Variants in PCDH15 observed in about 807,000 individuals in gnomAD.
PCDH15 encodes protocadherin related 15.
In PCDH15, 129 loss-of-function variants were observed where a neutral mutation model predicts 178.5. The ratio of observed to expected loss-of-function variants is 0.72; its 90% confidence interval spans 0.63 to 0.84. The LOEUF is 0.84. Among genes scored for constraint, PCDH15 ranks in the 40% least tolerant of loss-of-function variants. The pLI is 0.00. For synonymous variants in PCDH15, 800 were observed against 732.0 expected (o/e 1.09, Z -1.50); for missense variants, 2,230 against 2,099.9 (o/e 1.06, Z -1.21).
chr10:53,902,946 C>T lies in PCDH15; in HGVS notation c.3501+297G>A, dbSNP rs571588904. ...TCATTTTGAGAATCTTTTGAGTTAT[C>T]CTACTGGAGGAATACAAACCATTAA... On this transcript the variant is annotated intron_variant, in intron 26 of 37. Transcript: ENST00000644397. Among the ~76,000 whole-genome samples, 4 of 152,108 alleles carry T rather than the reference C, an allele frequency of 2.6e-5. No individual in the cohort carries two copies. The South Asian group carries it at 8.3e-4, about 32-fold the overall frequency.
chr10:55,080,708 C>A (rs1038416776), intron 2 of PCDH15, among the ~76,000 whole-genome samples: 3 of 152,086 alleles, frequency 2.0e-5, no homozygotes, highest in Non-Finnish European at 2.9e-5. Flanking sequence ...AGACAGGCAG[C>A]CCTCCAGCTC....
chr10:54,535,221 C>G (rs2084346169), intron 2 of PCDH15, among the ~76,000 whole-genome samples: 1 of 152,134 alleles, frequency 6.6e-6, no homozygotes. Context: ...GTAATATCCA[C>G]CAAATTCATT....
intron 25 of PCDH15, among the ~76,000 whole-genome samples, chr10:53,927,990 T>A (rs186896629): frequency 6.6e-6 from 1 of 152,150 alleles, no homozygotes; most frequent in African/African-American, 2.4e-5. Flanking sequence ...GAAAGGACAT[T>A]TTAAAAAGAG....
chr10:54,530,783 T>C (rs541826578), intron 2 of PCDH15, among the ~76,000 whole-genome samples: 78 of 152,252 alleles, frequency 5.1e-4, no homozygotes, highest in Non-Finnish European at 9.4e-4. Flanking sequence ...TCTGGATAAA[T>C]ACAAAAATAA....
intron 18 of PCDH15, among the ~76,000 whole-genome samples, chr10:54,056,192 G>A (rs1234950824): frequency 6.6e-6 from 1 of 152,120 alleles, no homozygotes; most frequent in Non-Finnish European, 1.5e-5. Context: ...TCAAATCAGG[G>A]AATTTGGGGT....
intron 3 of PCDH15, among the ~76,000 whole-genome samples, chr10:54,811,534 G>A (rs1952862565): frequency 3.9e-5 from 6 of 152,074 alleles, no homozygotes; most frequent in Admixed American, 3.9e-4. Flanking sequence ...ACAGTGGCAA[G>A]GTCTTGGCTC....
At chr10:55,014,820 A>G (rs371909549) in intron 2 of PCDH15, among the ~76,000 whole-genome samples, 9 of 152,202 alleles carry the variant, frequency 5.9e-5, no homozygotes, top group African/African-American at 1.9e-4. Context: ...TTAGTCCTCC[A>G]AGCATCACAC....
chr10:54,233,470 C>A (rs1283898013), intron 9 of PCDH15, among the ~76,000 whole-genome samples: 1 of 152,192 alleles, frequency 6.6e-6, no homozygotes, highest in African/African-American at 2.4e-5. Flanking sequence ...TTTCTAATTG[C>A]ATTCCATTTT....
chr10:55,409,238 G>A (rs562638738), intron 2 of PCDH15, among the ~76,000 whole-genome samples: 79 of 152,042 alleles, frequency 5.2e-4, no homozygotes, highest in African/African-American at 1.8e-3. Context: ...ACATTGCCCC[G>A]GTAGCACCCC....
intron 21 of PCDH15, 80 bp downstream of exon 21, chr10:53,995,569 G>C: frequency 1.9e-6 from 3 of 1,611,748 alleles, no homozygotes; most frequent in Non-Finnish European, 1.7e-6. Flanking sequence ...TACTTTTGCT[G>C]TCTTGTGATT....
intron 2 of PCDH15, among the ~76,000 whole-genome samples, chr10:54,926,711 T>C (rs940052063): frequency 6.6e-6 from 1 of 152,078 alleles, no homozygotes; most frequent in African/African-American, 2.4e-5. Context: ...ATCTATCCAT[T>C]CCTTCTAGAT....
chr10:54,236,918 G>T lies in PCDH15; in HGVS notation c.890C>A (p.Pro297His). ...PELRTPEELNPIIVTPPIQAI... is the reference protein window; with the variant it reads ...PELRTPEELNHIIVTPPIQAI... ...TTGGATTGGTGGCGTAACAATAATGGGGTTCAGTTCTTCCTGAAAAAAAAA... is the reference window on the plus strand; with the variant it reads ...TTGGATTGGTGGCGTAACAATAATGTGGTTCAGTTCTTCCTGAAAAAAAAA... The change falls in exon 9 of 38, where the codon CCC becomes CAC. Residue 297 changes from proline (P) to histidine (H), a missense_variant. Transcript: ENST00000644397. 7 of 1,613,350 alleles carry T rather than the reference G, an allele frequency of 4.3e-6. No homozygotes were observed. The highest frequency in any genetic ancestry group is 5.9e-6 in the Non-Finnish European group (7 of 1,179,456).
intron 2 of PCDH15, among the ~76,000 whole-genome samples, chr10:55,549,051 C>T (rs1475196577): frequency 1.3e-5 from 2 of 152,184 alleles, no homozygotes; most frequent in African/African-American, 2.4e-5. Context: ...CATTGGATAA[C>T]ACACATTTCA....
At position 54,892,647 on chromosome 10, in the gene PCDH15, G is replaced by A. The variant is rs7911486; in HGVS notation, c.-29+4803C>T. On this transcript the variant is annotated intron_variant, in intron 3 of 5. Coordinates refer to the PCDH15 transcript ENST00000458638. ...TAAACAAACAACATTGAGATGCATGGAGGATTGATCTGGAATATTCCATCA... is the reference window on the plus strand; with the variant it reads ...TAAACAAACAACATTGAGATGCATGAAGGATTGATCTGGAATATTCCATCA... Among the ~76,000 whole-genome samples, 590 of 151,176 alleles carry A rather than the reference G, an allele frequency of 3.9e-3. 7 individuals carry two copies. The highest frequency in any genetic ancestry group is 0.014 in the African/African-American group (569 of 41,316).
chr10:54,714,302 T>C (rs528556548), intron 1 of PCDH15, among the ~76,000 whole-genome samples: 1 of 152,230 alleles, frequency 6.6e-6, no homozygotes, highest in African/African-American at 2.4e-5. Flanking sequence ...GTTAGCCTTT[T>C]TCAGCAGTGT....
intron 35 of PCDH15, among the ~76,000 whole-genome samples, chr10:53,812,198 GT>G (rs1233617809): frequency 2.0e-5 from 3 of 151,858 alleles, no homozygotes; most frequent in African/African-American, 7.3e-5. Flanking sequence ...AAATTTAAGG[GT>G]TTTTTGTTTG....
At chr10:55,082,591 A>T (rs1842070437) in intron 2 of PCDH15, among the ~76,000 whole-genome samples, 1 of 151,216 alleles carries the variant, frequency 6.6e-6, no homozygotes, top group Non-Finnish European at 1.5e-5. Flanking sequence ...TGAAAAAAAA[A>T]AAAACACGCA....
intron 2 of PCDH15, among the ~76,000 whole-genome samples, chr10:54,544,505 A>G (rs7099825): frequency 0.31 from 47,551 of 152,004 alleles, 7,973 homozygotes; most frequent in Middle Eastern, 0.43. Flanking sequence ...GACAATTTCT[A>G]TACAGACGCC....
chr10:54,979,743 A>G (rs1420140786), intron 2 of PCDH15, among the ~76,000 whole-genome samples: 1 of 151,902 alleles, frequency 6.6e-6, no homozygotes, highest in African/African-American at 2.4e-5. Flanking sequence ...ATACATATAT[A>G]CAATGAAATA....
Sources: allele counts gnomAD v4.1 joint callset (sites outside exome capture counted in the v4.1 genomes callset), GRCh38; gene constraint gnomAD v4.1.1; transcripts MANE v1.5; gene names NCBI Gene and HGNC (gene_info 2026-07-23, HGNC 2026-07-21).